Variants in TONSL observed in about 807,000 individuals in gnomAD.
TONSL encodes tonsoku-like protein.
TONSL carries 112 observed loss-of-function variants against 147.1 expected under a neutral mutation model. That is an observed-to-expected ratio of 0.76 (90% CI 0.65 to 0.89). The LOEUF is 0.89. TONSL is among the 40% of genes least tolerant of loss of function. TONSL has a pLI of 0.00. For missense variants in TONSL, 1,883 were observed against 1,864.6 expected (o/e 1.01, Z -0.18); for synonymous variants, 868 against 801.5 (o/e 1.08, Z -1.40).
chr8:144,444,110 CCCCGGCCCCCGATCCCGG>C, intron 2 of TONSL, 52 bp downstream of exon 2: 2 of 1,306,624 alleles, frequency 1.5e-6, no homozygotes, highest in Non-Finnish European at 1.9e-6. Context: ...GCCCGTCGCC[CCCCGGCCCCCGATCCCGG>C]CCCGGGCCCG....
At position 144,440,278 on chromosome 8, in the gene TONSL, C is replaced by G. The variant is rs895961363; in HGVS notation, c.1291-68G>C. 3 of 1,558,160 alleles carry G rather than the reference C, an allele frequency of 1.9e-6. No homozygotes were observed. The African/African-American group carries it at 4.1e-5, about 21-fold the overall frequency. ...GACGCAGAGAAAGATGGGGATGGGG[C>G]ACAAGGGGCAGGCAGGCTGCAACGA... On this transcript the variant is annotated intron_variant, in intron 10 of 25. Coordinates refer to ENST00000409379, the MANE Select transcript of TONSL (RefSeq NM_013432.5).
Position 144,434,815 on chromosome 8 carries a change from C to T in TONSL, c.3081G>A (p.Gly1027=). 1 of 1,613,426 alleles carries T rather than the reference C, an allele frequency of 6.2e-7. No individual in the cohort carries two copies. The highest frequency in any genetic ancestry group is 8.5e-7 in the Non-Finnish European group (1 of 1,179,894). Residue 1027 remains glycine, a synonymous_variant, in exon 20 of 26, where the codon GGG becomes GGA. Transcript: ENST00000409379. ...DRYRRACQSL[G]QGEHQQVLQA... is the part of the protein sequence containing the mutation. Reference sequence around the variant, plus strand: ...TGCAGCTCTCCTGGCCCTCACCTTGCCCCAGGCTCTGGCAGGCCCTGCGGT... The same window carrying T: ...TGCAGCTCTCCTGGCCCTCACCTTGTCCCAGGCTCTGGCAGGCCCTGCGGT...
chr8:144,430,410 G>T lies in TONSL; in HGVS notation c.3937C>A (p.Leu1313Met). ...CCACCATACCAGCACTCACCTGACA[G>T]GCCAAGGAAGCTAAGGCCTTGGGGC... The part of the protein sequence containing the change: ...KRPQGLSFLG[L>M]SGCAVQGPLG... The change falls in exon 25 of 26, where the codon CTG (leucine) becomes ATG (methionine). Residue 1313 changes from leucine (L) to methionine (M), a missense_variant. Coordinates refer to ENST00000409379, the MANE Select transcript of TONSL (RefSeq NM_013432.5). 1 of 1,607,444 alleles carries T rather than the reference G, an allele frequency of 6.2e-7. No homozygotes were observed. The highest frequency in any genetic ancestry group is 8.5e-7 in the Non-Finnish European group (1 of 1,177,072).
At chr8:144,430,989 T>A (rs1187681912) in intron 24 of TONSL, 89 bp downstream of exon 24, 7 of 1,442,598 alleles carry the variant, frequency 4.9e-6, no homozygotes, top group Non-Finnish European at 6.8e-6. Flanking sequence ...GAGGAGGAGC[T>A]GGTACCATTT....
rs371323373 is a variant in TONSL, at chr8:144,438,421, C to G, written c.1653+50G>C. The G allele has an allele frequency of 7.0e-6, 11 of 1,581,660 alleles. No individual in the cohort carries two copies. In the African/African-American group the frequency reaches 9.4e-5, roughly 14 times the overall value. On this transcript the variant is annotated intron_variant, in intron 13 of 25. Coordinates refer to ENST00000409379, the MANE Select transcript of TONSL (RefSeq NM_013432.5). Reference sequence around the variant, plus strand: ...AGATAGGGGATCCGGCACAAACGCACAGCTCCTCCATGCTAGGCAGCCTGT... The same window carrying G: ...AGATAGGGGATCCGGCACAAACGCAGAGCTCCTCCATGCTAGGCAGCCTGT...
chr8:144,441,026 T>C lies in TONSL; in HGVS notation c.951A>G (p.Leu317=). ...CTCCTGCCTTGGAGAAGAGGTCCCC[T>C]AGCTGCTCACAGATGACCATGGCAC... ...PQGAMVICEQ[L]GDLFSKAGDF... is the part of the protein sequence containing the mutation. Residue 317 remains leucine, a synonymous_variant, in exon 8 of 26, where the codon CTA becomes CTG. Transcript: ENST00000409379. The C allele has an allele frequency of 6.2e-7, 1 of 1,613,094 alleles. No homozygotes were observed. The highest frequency in any genetic ancestry group is 1.1e-5 in the South Asian group (1 of 91,086).
chr8:144,430,200 C>T (rs547595597), intron 25 of TONSL, among the ~76,000 whole-genome samples: 12 of 152,284 alleles, frequency 7.9e-5, no homozygotes, highest in Non-Finnish European at 1.8e-4. Flanking sequence ...ACCCACCTCG[C>T]CCCCTAACCC....
In TONSL at chr8:144,433,322, C is replaced by T. The variant is rs374725480; in HGVS notation, c.3559+266G>A. On this transcript the variant is annotated intron_variant, in intron 22 of 25. Coordinates refer to ENST00000409379, the MANE Select transcript of TONSL (RefSeq NM_013432.5). ...CGATATCCTGACCTCGTGATCTGCC[C>T]GCCTTGGCCTCCCAAAGTGCTGGGA... is the stretch of plus-strand genomic sequence containing the variant. 1.5e-4 allele frequency: 55 copies of T among 360,028 alleles called. No homozygotes were observed. The East Asian group carries it at 1.7e-3, about 11-fold the overall frequency. The allele number at this position is 360,028 out of a possible 1,614,324, so 22.3% of individuals were successfully genotyped here. A position where few individuals can be genotyped will look rare whatever the true frequency, so the allele number is the denominator to read the frequency against.
chr8:144,440,634 C>T (rs1011605376), intron 9 of TONSL, 84 bp downstream of exon 9: 1 of 1,545,966 alleles, frequency 6.5e-7, no homozygotes, highest in Non-Finnish European at 8.7e-7. Flanking sequence ...AGTAAGGACA[C>T]CTGTCCATGG....
chr8:144,438,809 C>T (rs1215251921), intron 11 of TONSL, 74 bp from the exon 12 acceptor site: 30 of 1,460,196 alleles, frequency 2.1e-5, no homozygotes, highest in Non-Finnish European at 2.6e-5. Context: ...CTGCTGCAAG[C>T]TCCCCAAACT....
At position 144,444,244 on chromosome 8, in the gene TONSL, C is replaced by T. The variant is rs1178887143; in HGVS notation, c.57G>A (p.Arg19=). The T allele has an allele frequency of 2.7e-6, 4 of 1,456,416 alleles. No homozygotes were observed. Among genetic ancestry groups the T allele is most frequent in the Non-Finnish European group, 3.6e-6 (4 of 1,106,848 alleles). The allele number at this position is 1,456,416 out of a possible 1,614,324, so 90.2% of individuals were successfully genotyped here. A position where few individuals can be genotyped will look rare whatever the true frequency, so the allele number is the denominator to read the frequency against. Residue 19 remains arginine (R), a synonymous_variant, in exon 2 of 26, where the codon AGG becomes AGA. Transcript: ENST00000409379. The part of the protein sequence containing the change: ...QLSKAKAKAQ[R]AGQRREEAAL... ...CGGCCTCTTCGCGCCGCTGCCCGGC[C>T]CTCTGCGCCTTGGCTTTCGCCTTGC... is the stretch of plus-strand genomic sequence containing the variant.
rs182632637 is a variant in TONSL, at chr8:144,441,260, C to T, written c.866-149G>A. 152 of 1,164,654 alleles carry T rather than the reference C, an allele frequency of 1.3e-4. 1 individual carries two copies. The South Asian group carries it at 1.4e-3, about 11-fold the overall frequency. 72.1% of individuals were successfully genotyped at this position (1,164,654 alleles called of 1,614,324 possible). A position where few individuals can be genotyped will look rare whatever the true frequency, so the allele number is the denominator to read the frequency against. Reference sequence around the variant, plus strand: ...TGTGGGGGTTAATAGCAGGGTCTATCTTGGGGACTGGTCTCAAGGGTCACA... The same window carrying T: ...TGTGGGGGTTAATAGCAGGGTCTATTTTGGGGACTGGTCTCAAGGGTCACA... On this transcript the variant is annotated intron_variant, in intron 7 of 25. Coordinates refer to ENST00000409379, the MANE Select transcript of TONSL (RefSeq NM_013432.5).
intron 24 of TONSL, 90 bp from the exon 25 acceptor site, chr8:144,430,627 A>C: frequency 2.0e-6 from 3 of 1,471,622 alleles, no homozygotes; most frequent in Non-Finnish European, 2.7e-6. Flanking sequence ...ATGCCAGCTC[A>C]GGGAGCCTCG....
At chr8:144,432,157 C>CT in intron 23 of TONSL, 128 bp downstream of exon 23, 1 of 1,083,766 alleles carries the variant, frequency 9.2e-7, no homozygotes, top group Non-Finnish European at 1.3e-6. Context: ...CTCCAAACCT[C>CT]TAACTCTCTC....
chr8:144,436,459 C>T, intron 16 of TONSL, 41 bp from the exon 17 acceptor site: 1 of 1,539,808 alleles, frequency 6.5e-7, no homozygotes, highest in Non-Finnish European at 8.7e-7. Flanking sequence ...GGGCCCGGCA[C>T]CTCCCGCTCC....
Position 144,434,003 on chromosome 8 carries a change from C to T in TONSL, c.3362G>A (p.Gly1121Glu), listed in dbSNP as rs782248971. The change falls in exon 21 of 26, where the codon GGG (glycine) becomes GAG (glutamate). Residue 1121 changes from glycine to glutamate, a missense_variant. Coordinates refer to ENST00000409379, the MANE Select transcript of TONSL (RefSeq NM_013432.5). ...CTGCAAGGTGGCTTGGCCTGGGAGCCCCATGGCAAGCTGGCGCAGGCCTTC... is the reference window on the plus strand; with the variant it reads ...CTGCAAGGTGGCTTGGCCTGGGAGCTCCATGGCAAGCTGGCGCAGGCCTTC... The part of the protein sequence containing the change: ...GPEGLRQLAM[G>E]LPGQATLQSL... 1.1e-5 allele frequency: 18 copies of T among 1,596,050 alleles called. No individual in the cohort carries two copies. The highest frequency in any genetic ancestry group is 1.7e-5 in the Admixed American group (1 of 58,560).
Position 144,436,784 on chromosome 8 carries a change from C to T in TONSL, c.1863G>A (p.Gly621=). The T allele has an allele frequency of 1.2e-6, 2 of 1,611,388 alleles. No individual in the cohort carries two copies. The highest frequency in any genetic ancestry group is 8.5e-7 in the Non-Finnish European group (1 of 1,179,804). The change falls in exon 15 of 26, where the codon GGG becomes GGA. Residue 621 remains glycine (G), a synonymous_variant. Coordinates refer to ENST00000409379, the MANE Select transcript of TONSL (RefSeq NM_013432.5). ...TTCGAGTGCGGAGGGTGACGGACGC[C>T]CCCCGTTCAAGCAGCAGCTCAGCCA... ...FEVAELLLER[G]ASVTLRTRKG...
At position 144,437,110 on chromosome 8, in the gene TONSL, G is replaced by T; in HGVS notation, c.1654-11C>A. On this transcript the variant is annotated splice_polypyrimidine_tract_variant and intron_variant, in intron 13 of 25. Transcript: ENST00000409379. ...GTTAAGGGGGTGGCCCTGTGACCAA[G>T]GACAGGAAGGAGCCTGGCCCTGTGT... 6.2e-7 allele frequency: 1 copy of T among 1,611,678 alleles called. No homozygotes were observed. The highest frequency in any genetic ancestry group is 1.1e-5 in the South Asian group (1 of 90,748).
At chr8:144,439,974 C>T (rs564343981) in intron 11 of TONSL, 47 bp downstream of exon 11, 21 of 823,268 alleles carry the variant, frequency 2.6e-5, no homozygotes, top group African/African-American at 2.2e-4. Context: ...CTCTCCAGCC[C>T]GGCCCAGAGC....
Sources: gnomAD v4.1 joint callset for allele counts (sites outside exome capture counted in the v4.1 genomes callset) on GRCh38, gnomAD v4.1.1 for gene constraint, MANE v1.5 for transcripts, NCBI Gene and HGNC (gene_info 2026-07-23, HGNC 2026-07-21) for gene names.